Variants in DPP10 observed in about 807,000 individuals in gnomAD.
DPP10 encodes inactive dipeptidyl peptidase 10.
DPP10 carries 33 observed loss-of-function variants against 120.9 expected under a neutral mutation model. The observed-to-expected ratio is 0.27, with a 90% CI of 0.21 to 0.37. The LOEUF (loss-of-function observed/expected upper bound fraction) is 0.37. Ranked by LOEUF, DPP10 falls within the 10% of genes least tolerant of loss-of-function variation. DPP10 has a pLI of 1.00. For missense variants in DPP10, 816 were observed against 942.8 expected, an observed-to-expected ratio of 0.87 and a Z score of 1.76; for synonymous variants, 337 against 326.1, an observed-to-expected ratio of 1.03 and a Z score of -0.36.
intron 1 of DPP10, among the ~76,000 whole-genome samples, chr2:114,585,853 C>T (rs1690936339): frequency 6.6e-6 from 1 of 152,110 alleles, no homozygotes; most frequent in Non-Finnish European, 1.5e-5. Context: ...TTGGTAAAGC[C>T]TCAAGAAGGG....
At position 114,674,253 on chromosome 2, in the gene DPP10, A is replaced by G. The variant is rs910531259; in HGVS notation, c.60+231415A>G. Among the ~76,000 whole-genome samples, 4 of 152,078 alleles carry G rather than the reference A, an allele frequency of 2.6e-5. No individual in the cohort carries two copies. The East Asian group carries it at 7.7e-4, about 29-fold the overall frequency. ...TCCTAAGTAAATAATATATACATATATATCCTATTTGTTTCACTTATCATT... is the reference window on the plus strand; with the variant it reads ...TCCTAAGTAAATAATATATACATATGTATCCTATTTGTTTCACTTATCATT... On this transcript the variant is annotated intron_variant, in intron 1 of 25. Coordinates refer to ENST00000410059, the MANE Select transcript of DPP10 (RefSeq NM_020868.6).
chr2:115,740,035 C>G, intron 9 of DPP10, 142 bp downstream of exon 9: 1 of 859,898 alleles, frequency 1.2e-6, no homozygotes, highest in Non-Finnish European at 1.8e-6. Context: ...CACTTTCGAT[C>G]TCCCAGTAGT....
At chr2:115,440,843 C>CT (rs1441798833) in intron 3 of DPP10, 1 of 152,156 alleles carries the variant, frequency 6.6e-6, no homozygotes, top group Non-Finnish European at 1.5e-5. Context: ...TGTTTTCTCT[C>CT]TTTAAGAAAA....
rs146075175 is a variant in DPP10 at position 114,834,045 on chromosome 2, A to C, written c.60+391207A>C. The C allele has an allele frequency of 1.2e-3, 188 of 151,972 alleles. 6 individuals carry two copies. In the East Asian group the frequency reaches 0.033, roughly 27 times the overall value. 9.4% of individuals were successfully genotyped at this position (151,972 alleles called of 1,614,324 possible). On this transcript the variant is annotated intron_variant, in intron 1 of 25. Transcript: ENST00000410059. ...TATAAACATATACACACACCTATGTATATATAAGCCATATCTACACACCTA... is the reference window on the plus strand; with the variant it reads ...TATAAACATATACACACACCTATGTCTATATAAGCCATATCTACACACCTA...
chr2:114,876,342 A>G (rs1355019467), intron 1 of DPP10, among the ~76,000 whole-genome samples: 1 of 152,064 alleles, frequency 6.6e-6, no homozygotes, highest in Non-Finnish European at 1.5e-5. Context: ...GTGGACTTCC[A>G]TTCACAATTT....
chr2:114,660,927 T>A (rs1573908731), intron 1 of DPP10, among the ~76,000 whole-genome samples: 1 of 152,214 alleles, frequency 6.6e-6, no homozygotes, highest in Non-Finnish European at 1.5e-5. Context: ...AATTTCAAAT[T>A]TTTAGCCCAT....
At chr2:114,715,894 T>A (rs1701315907) in intron 1 of DPP10, among the ~76,000 whole-genome samples, 1 of 149,392 alleles carries the variant, frequency 6.7e-6, no homozygotes, top group African/African-American at 2.6e-5. Context: ...ATCAAGGACA[T>A]AATAAATATG....
chr2:115,180,276 G>A (rs1286370515), intron 1 of DPP10, among the ~76,000 whole-genome samples: 1 of 152,082 alleles, frequency 6.6e-6, no homozygotes, highest in Non-Finnish European at 1.5e-5. Context: ...ATCTTATTAA[G>A]TAACCCAGAC....
chr2:115,088,489 C>G (rs1708920918), intron 1 of DPP10, among the ~76,000 whole-genome samples: 1 of 151,952 alleles, frequency 6.6e-6, no homozygotes, highest in Non-Finnish European at 1.5e-5. Flanking sequence ...TGCTGGGTCA[C>G]CCAGGCTAGA....
At chr2:115,018,829 T>A (rs1702860219) in intron 1 of DPP10, among the ~76,000 whole-genome samples, 1 of 152,102 alleles carries the variant, frequency 6.6e-6, no homozygotes, top group African/African-American at 2.4e-5. Flanking sequence ...ACCTGCGCAT[T>A]CTGCACGTGT....
chr2:114,966,758 A>G (rs1047240668), intron 1 of DPP10, among the ~76,000 whole-genome samples: 7 of 152,140 alleles, frequency 4.6e-5, no homozygotes, highest in Admixed American at 4.6e-4. Context: ...AATACAAGAG[A>G]AGGCTGGGTG....
rs533218785 is a variant in DPP10, at chr2:115,043,870, G to A, written c.61-265369G>A. ...ATATTTTAACAGGTGAAGAGCAGAG[G>A]CAGTAATTTTTTAAAAAATTTTTCT... On this transcript the variant is annotated intron_variant, in intron 1 of 25. Coordinates refer to ENST00000410059, the MANE Select transcript of DPP10 (RefSeq NM_020868.6). Among the ~76,000 whole-genome samples the A allele has an allele frequency of 2.6e-4, 40 of 152,152 alleles. 2 individuals are homozygous for A. The South Asian group carries it at 7.9e-3, about 30-fold the overall frequency.
At chr2:115,620,288 G>A (rs1176047766) in intron 5 of DPP10, among the ~76,000 whole-genome samples, 6 of 152,190 alleles carry the variant, frequency 3.9e-5, no homozygotes, top group African/African-American at 7.2e-5. Flanking sequence ...GATCTGTTAT[G>A]AGAGTACAGT....
intron 1 of DPP10, among the ~76,000 whole-genome samples, chr2:114,701,735 G>A (rs72830360): frequency 6.6e-6 from 1 of 152,084 alleles, no homozygotes. Flanking sequence ...GGAATGGGGG[G>A]TGGGCAGTCC....
intron 1 of DPP10, among the ~76,000 whole-genome samples, chr2:114,912,964 T>C (rs1473545109): frequency 2.0e-5 from 3 of 152,186 alleles, no homozygotes; most frequent in Non-Finnish European, 4.4e-5. Flanking sequence ...CTAGGTGGCT[T>C]TAGCCTGTGT....
intron 19 of DPP10, among the ~76,000 whole-genome samples, chr2:115,811,356 AAG>A (rs901932475): frequency 2.6e-5 from 4 of 152,186 alleles, no homozygotes; most frequent in African/African-American, 9.6e-5. Flanking sequence ...AAGAGAGCAA[AAG>A]AGTGAAATTG....
chr2:115,670,889 T>C (rs966246179), intron 5 of DPP10, among the ~76,000 whole-genome samples: 1 of 152,132 alleles, frequency 6.6e-6, no homozygotes, highest in East Asian at 1.9e-4. Flanking sequence ...TAATATGATA[T>C]GTGGATGAAC....
intron 1 of DPP10, among the ~76,000 whole-genome samples, chr2:114,705,926 C>A (rs1462909967): frequency 6.6e-6 from 1 of 152,176 alleles, no homozygotes; most frequent in Non-Finnish European, 1.5e-5. Context: ...AGGCTGGCTT[C>A]TCTCATGGTA....
chr2:114,597,542 G>A (rs914521725), intron 1 of DPP10, among the ~76,000 whole-genome samples: 2 of 151,980 alleles, frequency 1.3e-5, no homozygotes, highest in Non-Finnish European at 2.9e-5. Flanking sequence ...CATTAGAAAT[G>A]AAGGCTGCGG....
Sources: gnomAD v4.1 joint callset for allele counts (sites outside exome capture counted in the v4.1 genomes callset) on GRCh38, gnomAD v4.1.1 for gene constraint, MANE v1.5 for transcripts, NCBI Gene and HGNC (gene_info 2026-07-23, HGNC 2026-07-21) for gene names.